UBR4: variants seen among roughly 807,000 people sequenced by gnomAD.
The protein encoded by UBR4 is E3 ubiquitin-protein ligase UBR4.
UBR4 carries 124 observed loss-of-function variants against 575.6 expected under a neutral mutation model. That is an observed-to-expected ratio of 0.22 (90% CI 0.19 to 0.25). The LOEUF is 0.25. Among genes scored for constraint, UBR4 ranks in the 10% least tolerant of loss-of-function variants. The pLI is 1.00. For synonymous variants in UBR4, 2,455 were observed against 2,473.7 expected (o/e 0.99, Z 0.22); for missense variants, 4,818 against 6,478.8 (o/e 0.74, Z 8.80).
Position 19,124,669 on chromosome 1 carries a change from C to T in UBR4, c.9460G>A (p.Glu3154Lys). The T allele has an allele frequency of 6.2e-7, 1 of 1,613,984 alleles. No homozygotes were observed. Among genetic ancestry groups the T allele is most frequent in the Non-Finnish European group, 8.5e-7 (1 of 1,179,956 alleles). ...YVKGHAADVF[E>K]AYTQLLTEMV... ...TCTGTTAGAAGCTGAGTATAGGCCT[C>T]AAACACATCAGCAGCATGACCCTGG... The change falls in exon 65 of 106, where the codon GAG becomes AAG. Residue 3154 changes from glutamate (E) to lysine (K), a missense_variant. Coordinates refer to ENST00000375254, the MANE Select transcript of UBR4 (RefSeq NM_020765.3).
chr1:19,199,528 C>G (rs748266216), intron 3 of UBR4, 123 bp downstream of exon 3: 43 of 810,814 alleles, frequency 5.3e-5, no homozygotes, highest in Non-Finnish European at 8.0e-5. Context: ...AGATAACATA[C>G]AGCCTGCAAA....
intron 30 of UBR4, 125 bp from the exon 31 acceptor site, chr1:19,165,474 G>C (rs2088185887): frequency 9.4e-7 from 1 of 1,058,634 alleles, no homozygotes. Context: ...AGCACAAGGT[G>C]TTCATGAAAT....
At chr1:19,137,752 C>T (rs1228449629) in intron 60 of UBR4, among the ~76,000 whole-genome samples, 1 of 152,180 alleles carries the variant, frequency 6.6e-6, no homozygotes, top group Non-Finnish European at 1.5e-5. Context: ...AATCACTTTA[C>T]AGTTACTAAG....
Position 19,074,687 on chromosome 1 carries a change from C to G in UBR4, c.*145G>C. 1.0e-6 allele frequency: 1 copy of G among 955,848 alleles called. No homozygotes were observed. Among genetic ancestry groups the G allele is most frequent in the Non-Finnish European group, 1.6e-6 (1 of 624,960 alleles). The allele number at this position is 955,848 out of a possible 1,614,324, so 59.2% of individuals were successfully genotyped here. On this transcript the variant is annotated 3_prime_UTR_variant, in exon 106 of 106. Coordinates refer to ENST00000375254, the MANE Select transcript of UBR4 (RefSeq NM_020765.3). ...AGATAAAACAGGAAGCCTAAAAACC[C>G]CAAGCCACACCAAGAAAAATGAGAG...
intron 81 of UBR4, 57 bp from the exon 82 acceptor site, chr1:19,107,023 C>A: frequency 6.3e-7 from 1 of 1,596,402 alleles, no homozygotes; most frequent in Non-Finnish European, 8.5e-7. Context: ...TGAGCCATAG[C>A]CCCAACAGCA....
chr1:19,083,665 G>A (rs150249695), intron 102 of UBR4, among the ~76,000 whole-genome samples: 1 of 152,304 alleles, frequency 6.6e-6, no homozygotes, highest in East Asian at 1.9e-4. Context: ...CTCCCGAATA[G>A]CTGGGACTAC....
In UBR4 at chr1:19,112,764, C is replaced by T; in HGVS notation, c.11561G>A (p.Ser3854Asn). 6.2e-7 allele frequency: 1 copy of T among 1,614,230 alleles called. No homozygotes were observed. The highest frequency in any genetic ancestry group is 8.5e-7 in the Non-Finnish European group (1 of 1,180,026). Reference protein sequence around the residue: ...RTSVQPTFTASQYRALSVLGC... With the variant: ...RTSVQPTFTANQYRALSVLGC... The stretch of plus-strand genomic sequence containing the variant: ...CAGGACGGATAAGGCACGGTACTGG[C>T]TGGCAGTGAATGTGGGCTGCACGGA... The change falls in exon 78 of 106, where the codon AGC becomes AAC. Residue 3854 changes from serine (S) to asparagine (N), a missense_variant. Physicochemically the swap from Ser to Asn is conservative, Grantham distance 46. This residue lies in a region of UBR4 where 333 missense variants were observed against 459.2 expected (regional missense o/e 0.73). Transcript: ENST00000375254.
In UBR4 at chr1:19,147,934, G is replaced by A. The variant is rs527494486; in HGVS notation, c.7629+59C>T. On this transcript the variant is annotated intron_variant, in intron 51 of 105. Transcript: ENST00000375254. Reference sequence around the variant, plus strand: ...CTGTGCTGTTGCTTTACAATGAAAAGCTAACTTATTTGATTCCCTGTCAGC... The same window carrying A: ...CTGTGCTGTTGCTTTACAATGAAAAACTAACTTATTTGATTCCCTGTCAGC... The A allele has an allele frequency of 1.2e-4, 191 of 1,581,896 alleles. No individual in the cohort carries two copies. In the Middle Eastern group the frequency reaches 1.3e-3, roughly 11 times the overall value.
intron 32 of UBR4, 113 bp downstream of exon 32, chr1:19,164,686 A>T: frequency 7.4e-7 from 1 of 1,353,974 alleles, no homozygotes; most frequent in Non-Finnish European, 1.0e-6. Context: ...AGAGAGAGGT[A>T]GATACAAAAA....
At position 19,139,222 on chromosome 1, in the gene UBR4, TGA is replaced by T. The variant is rs756769436; in HGVS notation, c.8594-4_8594-3del. ...TGCCCTCGTCGTCTGAGGCTGGAGCTGAGAGAGTAACGAGAGCTGTTACAGGT... is the reference window on the plus strand; with the variant it reads ...TGCCCTCGTCGTCTGAGGCTGGAGCTGAGAGTAACGAGAGCTGTTACAGGT... On this transcript the variant is annotated splice_polypyrimidine_tract_variant and splice_region_variant and intron_variant, in intron 58 of 105. Coordinates refer to ENST00000375254, the MANE Select transcript of UBR4 (RefSeq NM_020765.3). This position sits in a 1 kb window ranked among gnomAD's most constrained non-coding sequence, Gnocchi z 4.2. 16 of 1,603,612 alleles carry T rather than the reference TGA, an allele frequency of 1.0e-5. No homozygotes were observed. The highest frequency in any genetic ancestry group is 3.4e-5 in the South Asian group (3 of 89,400).
chr1:19,199,645 T>C lies in UBR4; in HGVS notation c.378+6A>G. On this transcript the variant is annotated splice_donor_region_variant and intron_variant, in intron 3 of 105. Transcript: ENST00000375254. The stretch of plus-strand genomic sequence containing the variant: ...ATAGGGCAAGAAATGGGCCCATCAC[T>C]CTCACCTGGGACACAGCACAAGCCT... 6.2e-7 allele frequency: 1 copy of C among 1,613,624 alleles called. No homozygotes were observed. Among genetic ancestry groups the C allele is most frequent in the South Asian group, 1.1e-5 (1 of 91,064 alleles).
intron 103 of UBR4, chr1:19,080,911 C>T (rs578227786): frequency 3.7e-4 from 59 of 160,504 alleles, no homozygotes; most frequent in South Asian, 1.1e-3. Context: ...ATGTGGGACG[C>T]ATGGGATAGG....
chr1:19,126,400 C>G (rs2081800455), intron 64 of UBR4, 46 bp downstream of exon 64: 2 of 1,610,958 alleles, frequency 1.2e-6, no homozygotes, highest in Non-Finnish European at 1.7e-6. Flanking sequence ...GAGAAGAGTG[C>G]TCTGAACAAA....
intron 30 of UBR4, 89 bp from the exon 31 acceptor site, chr1:19,165,438 G>A: frequency 8.0e-7 from 1 of 1,249,376 alleles, no homozygotes; most frequent in South Asian, 1.3e-5. Flanking sequence ...ATCTCCTCTG[G>A]GGAAAATGAC....
At position 19,086,795 on chromosome 1, in the gene UBR4, G is replaced by C; in HGVS notation, c.14571C>G (p.Thr4857=). 1 of 1,614,194 alleles carries C rather than the reference G, an allele frequency of 6.2e-7. No individual in the cohort carries two copies. Among genetic ancestry groups the C allele is most frequent in the South Asian group, 1.1e-5 (1 of 91,086 alleles). ...CCTCCAAGGCTACCCGCTTCGTGAA[G>C]GTATAAATGCCCAGGACCTTTGTGG... ...FQPTKVLGIY[T]FTKRVALEEM... The change falls in exon 100 of 106, where the codon ACC becomes ACG. Residue 4857 remains threonine (T), a synonymous_variant. Coordinates refer to ENST00000375254, the MANE Select transcript of UBR4 (RefSeq NM_020765.3).
At chr1:19,175,471 C>A (rs564605815) in intron 20 of UBR4, among the ~76,000 whole-genome samples, 1 of 152,314 alleles carries the variant, frequency 6.6e-6, no homozygotes, top group Non-Finnish European at 1.5e-5. Flanking sequence ...ACTAAGGCTT[C>A]ACAAAAGTTT....
chr1:19,104,301 AC>A, intron 86 of UBR4, 44 bp from the exon 87 acceptor site: 1 of 1,601,836 alleles, frequency 6.2e-7, no homozygotes, highest in Non-Finnish European at 8.5e-7. Context: ...CTGGATGAAA[AC>A]ATAAGGACAG....
intron 15 of UBR4, 148 bp downstream of exon 15, chr1:19,184,951 C>A: frequency 1.1e-6 from 1 of 900,144 alleles, no homozygotes; most frequent in Non-Finnish European, 1.7e-6. Context: ...TTTAATGACA[C>A]ATAATCAAGA....
chr1:19,162,293 C>T lies in UBR4; in HGVS notation c.4956+127G>A, dbSNP rs2087506707. ...GCTCTGAAGGCCTAGAAAATTGGGG[C>T]CTGGCAGCAACAAGGACTAGGAAGT... On this transcript the variant is annotated intron_variant, in intron 35 of 105. Coordinates refer to ENST00000375254, the MANE Select transcript of UBR4 (RefSeq NM_020765.3). 3.4e-6 allele frequency: 4 copies of T among 1,174,280 alleles called. No individual in the cohort carries two copies. The Admixed American group carries it at 1.0e-4, about 31-fold the overall frequency. 72.7% of individuals were successfully genotyped at this position (1,174,280 alleles called of 1,614,324 possible).
Sources: gnomAD v4.1 joint callset for allele counts (sites outside exome capture counted in the v4.1 genomes callset) on GRCh38, gnomAD v4.1.1 for gene constraint, gnomAD v4.1.1 regional missense constraint, Gnocchi (gnomAD v3.1) non-coding constraint, MANE v1.5 for transcripts, NCBI Gene and HGNC (gene_info 2026-07-23, HGNC 2026-07-21) for gene names.